The following CACNA2D3 variants were observed in gnomAD, a reference collection of about 807,000 sequenced individuals.
CACNA2D3 encodes the protein calcium voltage-gated channel auxiliary subunit alpha2delta 3.
In CACNA2D3, 60 loss-of-function variants were observed where a neutral mutation model predicts 160.6. The ratio of observed to expected loss-of-function variants is 0.37; its 90% confidence interval spans 0.30 to 0.46. The LOEUF is 0.46. Ranked by LOEUF, CACNA2D3 falls within the 20% of genes least tolerant of loss-of-function variation. The pLI is 1.00. For missense variants in CACNA2D3, 1,205 were observed against 1,365.0 expected (o/e 0.88, Z 1.85); for synonymous variants, 558 against 492.9 (o/e 1.13, Z -1.75).
intron 2 of CACNA2D3, among the ~76,000 whole-genome samples, chr3:54,253,549 G>A (rs1702236435): frequency 6.6e-6 from 1 of 152,090 alleles, no homozygotes; most frequent in South Asian, 2.1e-4. Context: ...TGAGTGATCC[G>A]GTCACCTTCC....
At chr3:54,588,600 G>A (rs1298507674) in intron 9 of CACNA2D3, among the ~76,000 whole-genome samples, 3 of 152,036 alleles carry the variant, frequency 2.0e-5, no homozygotes, top group African/African-American at 2.4e-5. Context: ...AGAGAGCTCA[G>A]TAAGGTCACA....
At chr3:54,393,537 A>C (rs2106679685) in intron 4 of CACNA2D3, among the ~76,000 whole-genome samples, 1 of 152,290 alleles carries the variant, frequency 6.6e-6, no homozygotes, top group Admixed American at 6.5e-5. Context: ...CCCAGGGGCC[A>C]AGCTGGTGTG....
At position 54,774,562 on chromosome 3, in the gene CACNA2D3, G is replaced by A. The variant is rs959450354; in HGVS notation, c.1380+10211G>A. On this transcript the variant is annotated intron_variant, in intron 13 of 37. Transcript: ENST00000474759. Reference sequence around the variant, plus strand: ...GGGTTACAATTTGATACAAGATTTGGGTGGGGACATAGACCCAAACCATAT... The same window carrying A: ...GGGTTACAATTTGATACAAGATTTGAGTGGGGACATAGACCCAAACCATAT... 3.9e-5 allele frequency among the ~76,000 whole-genome samples: 6 copies of A among 151,952 alleles called. No homozygotes were observed. In the East Asian group the frequency reaches 9.6e-4, roughly 24 times the overall value.
At chr3:54,495,383 C>T (rs556475293) in intron 4 of CACNA2D3, among the ~76,000 whole-genome samples, 181 of 152,030 alleles carry the variant, frequency 1.2e-3, no homozygotes, top group African/African-American at 1.5e-3. Context: ...TGGAAAAATG[C>T]GCAGTTCTTT....
intron 2 of CACNA2D3, among the ~76,000 whole-genome samples, chr3:54,188,374 G>A (rs567973118): frequency 6.6e-6 from 1 of 152,198 alleles, no homozygotes; most frequent in Admixed American, 6.5e-5. Context: ...CATGCAACCT[G>A]TCCAGCTTCA....
chr3:54,514,206 C>T (rs929439936), intron 5 of CACNA2D3, among the ~76,000 whole-genome samples: 16 of 152,142 alleles, frequency 1.1e-4, no homozygotes, highest in Non-Finnish European at 1.6e-4. Flanking sequence ...ACCAACTGCT[C>T]ACACATAGGG....
intron 2 of CACNA2D3, among the ~76,000 whole-genome samples, chr3:54,309,834 G>A (rs1223371908): frequency 6.6e-6 from 1 of 151,996 alleles, no homozygotes; most frequent in Non-Finnish European, 1.5e-5. Context: ...CTGCTTACAG[G>A]TCATGCTCTG....
Position 54,704,407 on chromosome 3 carries a change from C to G in CACNA2D3, c.1168-48192C>G, listed in dbSNP as rs186567831. ...GCTAAAACCTTCTATTGGGGGGACA[C>G]TGGATCCCCAGTTCATACATAGTTT... On this transcript the variant is annotated intron_variant, in intron 11 of 37. Coordinates refer to ENST00000474759, the MANE Select transcript of CACNA2D3 (RefSeq NM_018398.3). 4.7e-4 allele frequency among the ~76,000 whole-genome samples: 71 copies of G among 152,306 alleles called. 1 individual carries two copies. The highest frequency in any genetic ancestry group is 1.7e-3 in the African/African-American group (70 of 41,568).
At chr3:54,400,604 A>G (rs1359701700) in intron 4 of CACNA2D3, among the ~76,000 whole-genome samples, 1 of 152,182 alleles carries the variant, frequency 6.6e-6, no homozygotes, top group Admixed American at 6.5e-5. Context: ...CCTACAGCCT[A>G]GTCTACCAGA....
At position 54,880,205 on chromosome 3, in the gene CACNA2D3, C is replaced by T. The variant is rs76476355; in HGVS notation, c.1845-591C>T. Among the ~76,000 whole-genome samples the T allele has an allele frequency of 3.1e-4, 47 of 152,288 alleles. No homozygotes were observed. In the East Asian group the frequency reaches 6.8e-3, roughly 22 times the overall value. On this transcript the variant is annotated intron_variant, in intron 20 of 37. Transcript: ENST00000474759. ...TAAGTGGGTTTGCCAAATAGTCTCT[C>T]TAACGTAAGGGACTATGTTTTAAAA...
At chr3:54,793,126 G>A (rs1453276850) in intron 13 of CACNA2D3, among the ~76,000 whole-genome samples, 1 of 152,244 alleles carries the variant, frequency 6.6e-6, no homozygotes, top group African/African-American at 2.4e-5. Context: ...ACTGGGGAGT[G>A]AGGGAGAGTA....
chr3:54,321,962 T>C (rs1302642022), intron 3 of CACNA2D3, among the ~76,000 whole-genome samples: 2 of 149,080 alleles, frequency 1.3e-5, no homozygotes, highest in Non-Finnish European at 3.0e-5. Context: ...GCATTGTCAA[T>C]TTGAGAGGGG....
At chr3:55,057,529 A>AT (rs1429382132) in intron 35 of CACNA2D3, among the ~76,000 whole-genome samples, 35 of 152,212 alleles carry the variant, frequency 2.3e-4, no homozygotes, top group East Asian at 9.7e-4. Flanking sequence ...GAAATGTGAG[A>AT]TTTTTTTTGT....
intron 20 of CACNA2D3, 75 bp downstream of exon 20, chr3:54,879,486 C>G: frequency 9.6e-7 from 1 of 1,044,072 alleles, no homozygotes; most frequent in Non-Finnish European, 1.5e-6. Flanking sequence ...CTGACACTCT[C>G]AGAGCTCATC....
intron 2 of CACNA2D3, among the ~76,000 whole-genome samples, chr3:54,137,782 C>G (rs1335632910): frequency 2.0e-5 from 3 of 148,520 alleles, no homozygotes; most frequent in Admixed American, 1.4e-4. Flanking sequence ...CACTATTCTA[C>G]TCTACTCTGT....
intron 27 of CACNA2D3, among the ~76,000 whole-genome samples, chr3:54,921,093 G>C (rs1051698759): frequency 6.6e-6 from 1 of 152,166 alleles, no homozygotes; most frequent in East Asian, 1.9e-4. Context: ...TACAGCTTGA[G>C]GGTCCCACAT....
intron 9 of CACNA2D3, among the ~76,000 whole-genome samples, chr3:54,587,494 T>C (rs1702782447): frequency 6.6e-6 from 1 of 151,834 alleles, no homozygotes; most frequent in Non-Finnish European, 1.5e-5. Context: ...GAGGCAGAGA[T>C]TGCAGTAAGC....
intron 17 of CACNA2D3, among the ~76,000 whole-genome samples, chr3:54,851,421 C>CCTAAG (rs1250811393): frequency 3.3e-5 from 5 of 152,078 alleles, no homozygotes; most frequent in African/African-American, 1.2e-4. Flanking sequence ...GGCACTGAGT[C>CCTAAG]CTAAGGTGAC....
At position 54,537,165 on chromosome 3, in the gene CACNA2D3, A is replaced by G. The variant is rs534000637; in HGVS notation, c.545-25635A>G. 3.3e-5 allele frequency among the ~76,000 whole-genome samples: 5 copies of G among 152,228 alleles called. No homozygotes were observed. In the East Asian group the frequency reaches 7.8e-4, roughly 24 times the overall value. ...AGGCAGGCACAGAGACACACAGAGC[A>G]GAGGATTGCAGGCATGTTGATCATC... is the stretch of plus-strand genomic sequence containing the variant. On this transcript the variant is annotated intron_variant, in intron 5 of 37. Coordinates refer to ENST00000474759, the MANE Select transcript of CACNA2D3 (RefSeq NM_018398.3).
Sources: gnomAD v4.1 joint callset for allele counts (sites outside exome capture counted in the v4.1 genomes callset) on GRCh38, gnomAD v4.1.1 for gene constraint, MANE v1.5 for transcripts, NCBI Gene and HGNC (gene_info 2026-07-23, HGNC 2026-07-21) for gene names.